Variants in GUCY1A2 observed in about 807,000 individuals in gnomAD.
GUCY1A2 encodes the protein guanylate cyclase 1 soluble subunit alpha 2.
In GUCY1A2, 27 loss-of-function variants were observed where a neutral mutation model predicts 63.5. The ratio of observed to expected loss-of-function variants is 0.43; its 90% CI spans 0.31 to 0.59. GUCY1A2 has a LOEUF of 0.59. Among genes scored for constraint, GUCY1A2 ranks in the 20% least tolerant of loss-of-function variants. GUCY1A2 has a pLI of 0.11. For missense variants in GUCY1A2, 768 were observed against 913.3 expected, an observed-to-expected ratio of 0.84 and a Z score of 2.05; for synonymous variants, 364 against 343.5, an observed-to-expected ratio of 1.06 and a Z score of -0.66.
chr11:106,724,586 TG>T (rs1863372277), intron 6 of GUCY1A2, among the ~76,000 whole-genome samples: 1 of 152,224 alleles, frequency 6.6e-6, no homozygotes, highest in South Asian at 2.1e-4. Flanking sequence ...TTTCAAATCC[TG>T]AGAAGTTCTT....
intron 2 of GUCY1A2, among the ~76,000 whole-genome samples, chr11:106,985,696 T>G (rs1861392384): frequency 6.6e-6 from 1 of 152,206 alleles, no homozygotes; most frequent in African/African-American, 2.4e-5. Flanking sequence ...TAGTGATTCT[T>G]ATCAAACTCT....
At chr11:106,846,529 G>A (rs1859275907) in intron 4 of GUCY1A2, among the ~76,000 whole-genome samples, 1 of 151,692 alleles carries the variant, frequency 6.6e-6, no homozygotes, top group Non-Finnish European at 1.5e-5. Context: ...CTTAAAAAAC[G>A]ATTAAGAAGG....
chr11:106,924,113 T>C (rs1035139617), intron 4 of GUCY1A2, among the ~76,000 whole-genome samples: 1 of 152,192 alleles, frequency 6.6e-6, no homozygotes, highest in Non-Finnish European at 1.5e-5. Flanking sequence ...GCAGTACACA[T>C]ATGTTTTGTC....
chr11:106,689,993 C>CA (rs36069018), intron 7 of GUCY1A2, among the ~76,000 whole-genome samples: 30,796 of 106,462 alleles, frequency 0.29, 3,609 homozygotes, highest in African/African-American at 0.34. Context: ...GACTCAGTCT[C>CA]AAAAAAAAAA....
intron 4 of GUCY1A2, among the ~76,000 whole-genome samples, chr11:106,883,753 T>C (rs1416833154): frequency 1.3e-5 from 2 of 151,996 alleles, no homozygotes; most frequent in Non-Finnish European, 1.5e-5. Context: ...GGGTAGAAAA[T>C]ATAAATTATG....
chr11:106,936,853 C>A, intron 4 of GUCY1A2: 1 of 519,108 alleles, frequency 1.9e-6, no homozygotes, highest in Non-Finnish European at 3.4e-6. Flanking sequence ...CTTATAAAAG[C>A]CAACTAAAAA....
chr11:106,837,448 T>G (rs1315104621), intron 4 of GUCY1A2, among the ~76,000 whole-genome samples: 1 of 152,034 alleles, frequency 6.6e-6, no homozygotes, highest in African/African-American at 2.4e-5. Context: ...AGTGCTGCAG[T>G]GAACATTTGT....
At chr11:107,006,541 T>C (rs573422932) in intron 1 of GUCY1A2, among the ~76,000 whole-genome samples, 3 of 152,298 alleles carry the variant, frequency 2.0e-5, no homozygotes, top group Non-Finnish European at 4.4e-5. Flanking sequence ...GTCTAAAAGA[T>C]AGGAAAACGG....
intron 4 of GUCY1A2, among the ~76,000 whole-genome samples, chr11:106,865,971 T>C (rs1444615568): frequency 2.6e-5 from 4 of 151,894 alleles, no homozygotes; most frequent in Admixed American, 6.6e-5. Flanking sequence ...ATAAACATTG[T>C]CTTTCTCTTT....
At chr11:106,894,318 A>T (rs1333133947) in intron 4 of GUCY1A2, among the ~76,000 whole-genome samples, 14 of 152,208 alleles carry the variant, frequency 9.2e-5, no homozygotes, top group Non-Finnish European at 5.9e-5. Context: ...AACTGATAAA[A>T]GTTTAGGGAG....
At chr11:106,845,823 C>T (rs1021191357) in intron 4 of GUCY1A2, among the ~76,000 whole-genome samples, 8 of 151,508 alleles carry the variant, frequency 5.3e-5, no homozygotes, top group East Asian at 1.9e-4. Context: ...TGTTGGAAAA[C>T]GGTATGCTCA....
At chr11:106,812,445 C>A (rs188078548) in intron 4 of GUCY1A2, among the ~76,000 whole-genome samples, 144 of 151,798 alleles carry the variant, frequency 9.5e-4, no homozygotes, top group African/African-American at 3.4e-3. Context: ...GGTCTCTCTT[C>A]TTCATCGCTT....
intron 3 of GUCY1A2, among the ~76,000 whole-genome samples, chr11:106,976,904 T>C (rs1402835530): frequency 2.0e-5 from 3 of 151,062 alleles, no homozygotes; most frequent in Admixed American, 6.6e-5. Flanking sequence ...GCAACTAAGC[T>C]GTGCTGGGCC....
chr11:106,871,842 C>T (rs1342350234), intron 4 of GUCY1A2, among the ~76,000 whole-genome samples: 1 of 152,074 alleles, frequency 6.6e-6, no homozygotes, highest in East Asian at 1.9e-4. Context: ...ATTTAACAGA[C>T]TCATTATGAA....
rs1211942 is a variant in GUCY1A2, at chr11:106,816,189, A to C, written c.1207-5711T>G. 5.3e-5 allele frequency among the ~76,000 whole-genome samples: 7 copies of C among 131,564 alleles called. No individual in the cohort carries two copies. The South Asian group carries it at 1.2e-3, about 23-fold the overall frequency. The allele number at this position is 131,564 out of a possible 152,430, so 86.3% of individuals were successfully genotyped here. On this transcript the variant is annotated intron_variant, in intron 4 of 7. Coordinates refer to ENST00000526355, the MANE Select transcript of GUCY1A2 (RefSeq NM_000855.3). ...CTTTAAAAAAAAAAAAAAAAAAAAA[A>C]CCCAAGGAGATCATGGAACATATAC...
chr11:107,000,227 A>T lies in GUCY1A2; in HGVS notation c.304-14096T>A, dbSNP rs191864769. Among the ~76,000 whole-genome samples the T allele has an allele frequency of 3.2e-4, 48 of 152,364 alleles. 1 individual carries two copies. The highest frequency in any genetic ancestry group is 2.7e-3 in the Admixed American group (41 of 15,306). ...AATAAGTTAACACAGAAAAAGAGAG[A>T]AAGACTTTATAGCTTGCAAACACTG... On this transcript the variant is annotated intron_variant, in intron 1 of 7. Coordinates refer to ENST00000526355, the MANE Select transcript of GUCY1A2 (RefSeq NM_000855.3).
At chr11:106,742,094 C>T (rs1863704269) in intron 6 of GUCY1A2, among the ~76,000 whole-genome samples, 1 of 152,152 alleles carries the variant, frequency 6.6e-6, no homozygotes, top group African/African-American at 2.4e-5. Context: ...CCATTTTATT[C>T]ACAGTTCATG....
intron 4 of GUCY1A2, among the ~76,000 whole-genome samples, chr11:106,866,657 C>A (rs559130798): frequency 2.6e-4 from 40 of 152,052 alleles, no homozygotes; most frequent in Middle Eastern, 3.4e-3. Flanking sequence ...TTTGCTAAAG[C>A]CTGAGCATTC....
At chr11:106,823,900 C>CTT in intron 4 of GUCY1A2, 1 of 346,750 alleles carries the variant, frequency 2.9e-6, no homozygotes, top group South Asian at 5.4e-5. Context: ...CCTTTGCCCA[C>CTT]TTTTTTTTTC....
Sources: gnomAD v4.1 joint callset for allele counts (sites outside exome capture counted in the v4.1 genomes callset) on GRCh38, gnomAD v4.1.1 for gene constraint, MANE v1.5 for transcripts, NCBI Gene and HGNC (gene_info 2026-07-23, HGNC 2026-07-21) for gene names.